TMTC2: variants seen among roughly 807,000 people sequenced by gnomAD.
TMTC2 encodes transmembrane O-mannosyltransferase targeting cadherins 2, also known as protein O-mannosyl-transferase TMTC2.
In TMTC2, 43 loss-of-function variants were observed where a neutral mutation model predicts 82.4. The observed-to-expected ratio is 0.52, with a 90% CI of 0.41 to 0.67. The LOEUF (loss-of-function observed/expected upper bound fraction) is 0.67, where lower values mean the gene tolerates loss of function less well. Ranked by LOEUF, TMTC2 falls within the 30% of genes least tolerant of loss-of-function variation. TMTC2 has a pLI of 0.00. For synonymous variants in TMTC2, 408 were observed against 381.9 expected, an observed-to-expected ratio of 1.07 and a Z score of -0.80; for missense variants, 919 against 1,012.4, an observed-to-expected ratio of 0.91 and a Z score of 1.25.
intron 4 of TMTC2, among the ~76,000 whole-genome samples, chr12:82,955,682 T>C (rs1326718488): frequency 6.6e-6 from 1 of 152,182 alleles, no homozygotes; most frequent in African/African-American, 2.4e-5. Flanking sequence ...GAAATAGTAG[T>C]AGTTCATATC....
At chr12:82,946,732 G>T (rs532725036) in intron 4 of TMTC2, among the ~76,000 whole-genome samples, 2 of 133,702 alleles carry the variant, frequency 1.5e-5, no homozygotes. Context: ...GAGTAGGCAT[G>T]CACTTTTCTT....
chr12:83,021,848 C>T (rs910991966), intron 8 of TMTC2: 1 of 152,058 alleles, frequency 6.6e-6, no homozygotes, highest in Non-Finnish European at 1.5e-5. Context: ...GCCTCTATTT[C>T]GAATCCTCCA....
intron 1 of TMTC2, among the ~76,000 whole-genome samples, chr12:82,755,693 T>C (rs1876274079): frequency 6.6e-6 from 1 of 152,180 alleles, no homozygotes; most frequent in African/African-American, 2.4e-5. Flanking sequence ...TGAACTCTTC[T>C]GCTTTGTGTA....
chr12:83,134,326 GATTA>G lies in TMTC2; in HGVS notation c.*1941_*1944del, dbSNP rs1236073112. 1 of 151,976 alleles carries G rather than the reference GATTA, an allele frequency of 6.6e-6. No homozygotes were observed. Among genetic ancestry groups the G allele is most frequent in the African/African-American group, 2.4e-5 (1 of 41,282 alleles). 9.4% of individuals were successfully genotyped at this position (151,976 alleles called of 1,614,324 possible). A position where few individuals can be genotyped will look rare whatever the true frequency, so the allele number is the denominator to read the frequency against. The stretch of plus-strand genomic sequence containing the variant: ...AAGGAATTTAATATAAGGCTATAGA[GATTA>G]ATTCAGTGTCTAACATTTGTATTTA... On this transcript the variant is annotated 3_prime_UTR_variant, in exon 12 of 12. Coordinates refer to ENST00000321196, the MANE Select transcript of TMTC2 (RefSeq NM_152588.3).
At chr12:82,729,994 G>C (rs1289990995) in intron 1 of TMTC2, among the ~76,000 whole-genome samples, 1 of 152,150 alleles carries the variant, frequency 6.6e-6, no homozygotes, top group African/African-American at 2.4e-5. Context: ...TCCTGAGCCA[G>C]CGAGACCACG....
chr12:82,782,860 C>G (rs1877975817), intron 1 of TMTC2, among the ~76,000 whole-genome samples: 1 of 152,082 alleles, frequency 6.6e-6, no homozygotes, highest in Admixed American at 6.6e-5. Context: ...GATAATGTGA[C>G]ATTTATTGCA....
In TMTC2 at chr12:82,901,302, T is replaced by TA. The variant is rs1565801210; in HGVS notation, c.1483+4656_1483+4657insA. On this transcript the variant is annotated intron_variant, in intron 3 of 11. Coordinates refer to ENST00000321196, the MANE Select transcript of TMTC2 (RefSeq NM_152588.3). The stretch of plus-strand genomic sequence containing the variant: ...GAGAGTAATATATATATATATATAT[T>TA]TTTTTTTCTTTTTTTTTTTTGAGAC... 3.0e-5 allele frequency among the ~76,000 whole-genome samples: 4 copies of TA among 132,958 alleles called. No homozygotes were observed. In the East Asian group the frequency reaches 6.1e-4, roughly 20 times the overall value. 87.2% of individuals were successfully genotyped at this position (132,958 alleles called of 152,430 possible).
chr12:82,838,840 C>A (rs1046924047), intron 1 of TMTC2, among the ~76,000 whole-genome samples: 24 of 144,682 alleles, frequency 1.7e-4, no homozygotes, highest in African/African-American at 5.2e-4. Flanking sequence ...ACTTTTGTAA[C>A]CTTTATTAAA....
intron 1 of TMTC2, among the ~76,000 whole-genome samples, chr12:82,716,566 G>A (rs1042145749): frequency 3.3e-5 from 5 of 152,102 alleles, no homozygotes; most frequent in African/African-American, 1.2e-4. Context: ...GTTTCACCGT[G>A]TTAGCCAGGA....
chr12:83,010,940 T>C (rs1053428284), intron 8 of TMTC2, among the ~76,000 whole-genome samples: 2 of 152,168 alleles, frequency 1.3e-5, no homozygotes, highest in Non-Finnish European at 2.9e-5. Flanking sequence ...GTTCAAGTGA[T>C]TATCCTGTCT....
intron 4 of TMTC2, among the ~76,000 whole-genome samples, chr12:82,932,628 A>G (rs183821375): frequency 2.2e-4 from 33 of 152,206 alleles, no homozygotes; most frequent in African/African-American, 7.9e-4. Flanking sequence ...GTATTCACAC[A>G]TATGTTCTTT....
At chr12:82,985,719 A>ACTTCATTTTC (rs1235953047) in intron 7 of TMTC2, among the ~76,000 whole-genome samples, 2 of 152,228 alleles carry the variant, frequency 1.3e-5, no homozygotes, top group Non-Finnish European at 2.9e-5. Context: ...GAGCCATTTT[A>ACTTCATTTTC]CTTCATTTTC....
In TMTC2 at chr12:82,952,501, A is replaced by T. The variant is rs544691304; in HGVS notation, c.1599-12523A>T. On this transcript the variant is annotated intron_variant, in intron 4 of 11. Transcript: ENST00000321196. ...TTGATGTTACATATTTTATAACTTT[A>T]TATATACATACACACACAGACACAC... Among the ~76,000 whole-genome samples, 8 of 152,132 alleles carry T rather than the reference A, an allele frequency of 5.3e-5. No homozygotes were observed. The South Asian group carries it at 1.5e-3, about 28-fold the overall frequency.
chr12:82,788,580 T>A (rs553788527), intron 1 of TMTC2, among the ~76,000 whole-genome samples: 4 of 152,234 alleles, frequency 2.6e-5, no homozygotes, highest in South Asian at 2.1e-4. Context: ...ATTTGTTTAG[T>A]TACAATCTCC....
chr12:82,687,700 T>A (rs1392828131), intron 1 of TMTC2, 31 bp downstream of exon 1: 1 of 1,582,432 alleles, frequency 6.3e-7, no homozygotes. Flanking sequence ...GGCGACGGGC[T>A]GCAGGGGGCA....
intron 8 of TMTC2, among the ~76,000 whole-genome samples, chr12:82,989,408 T>C (rs1278807244): frequency 6.6e-6 from 1 of 152,070 alleles, no homozygotes; most frequent in Non-Finnish European, 1.5e-5. Context: ...AAGAAAACCT[T>C]TTCCCATTTC....
At chr12:82,871,086 T>C (rs1462546070) in intron 2 of TMTC2, among the ~76,000 whole-genome samples, 4 of 152,230 alleles carry the variant, frequency 2.6e-5, no homozygotes, top group Non-Finnish European at 5.9e-5. Context: ...AGAACCACCA[T>C]TTATCAAGGC....
intron 3 of TMTC2, among the ~76,000 whole-genome samples, chr12:82,910,338 C>T (rs890864752): frequency 6.6e-6 from 1 of 152,196 alleles, no homozygotes; most frequent in African/African-American, 2.4e-5. Flanking sequence ...GTGTGGCTCA[C>T]TTCTTCTGAT....
intron 1 of TMTC2, 81 bp downstream of exon 1, chr12:82,687,750 A>G: frequency 7.2e-7 from 1 of 1,380,892 alleles, no homozygotes; most frequent in Non-Finnish European, 1.0e-6. Flanking sequence ...TTTAAGGCTC[A>G]AAGTGCGTCT....
Sources: allele counts gnomAD v4.1 joint callset (sites outside exome capture counted in the v4.1 genomes callset), GRCh38; gene constraint gnomAD v4.1.1; transcripts MANE v1.5; gene names NCBI Gene and HGNC (gene_info 2026-07-23, HGNC 2026-07-21).